DACH2: variants seen among roughly 807,000 people sequenced by gnomAD.
The protein encoded by DACH2 is dachshund homolog 2.
In DACH2, 17 loss-of-function variants were observed where a neutral mutation model predicts 35.8. The ratio of observed to expected loss-of-function variants is 0.48; its 90% CI spans 0.33 to 0.71. The LOEUF is 0.71. Ranked by LOEUF, DACH2 falls within the 30% of genes least tolerant of loss-of-function variation. The probability of loss-of-function intolerance (pLI) is 0.02; values close to 1 mark genes in which losing one functional copy is unlikely to be tolerated. For synonymous variants in DACH2, 195 were observed against 177.3 expected (o/e 1.10, Z -0.79); for missense variants, 469 against 472.7 (o/e 0.99, Z 0.07).
chrX:86,499,832 G>T (rs2038224683), intron 2 of DACH2, among the ~76,000 whole-genome samples: 1 of 111,752 alleles, frequency 8.9e-6, no homozygotes, highest in Non-Finnish European at 1.9e-5. Flanking sequence ...TTCCTTTCAG[G>T]CAATCATGTG....
At chrX:86,185,709 A>C (rs1480275721) in intron 1 of DACH2, among the ~76,000 whole-genome samples, 1 of 111,611 alleles carries the variant, frequency 9.0e-6, no homozygotes, top group African/African-American at 3.3e-5. Flanking sequence ...CCTTTCATAC[A>C]TGATTCATAT....
intron 1 of DACH2, among the ~76,000 whole-genome samples, chrX:86,302,419 C>T (rs1228570744): frequency 9.0e-6 from 1 of 111,679 alleles, no homozygotes; most frequent in Admixed American, 9.6e-5. Flanking sequence ...TAATTGTATA[C>T]CTTTTCAAAC....
intron 2 of DACH2, among the ~76,000 whole-genome samples, chrX:86,397,856 T>G (rs1394512699): frequency 8.9e-6 from 1 of 111,915 alleles, no homozygotes; most frequent in African/African-American, 3.3e-5. Flanking sequence ...ATTCTCTTTT[T>G]TGGTTGTGTC....
intron 1 of DACH2, among the ~76,000 whole-genome samples, chrX:86,215,559 C>A (rs973420339): frequency 1.8e-5 from 2 of 110,570 alleles, no homozygotes; most frequent in African/African-American, 3.3e-5. Context: ...AAAAAGGAAA[C>A]CTTTCATTCC....
chrX:86,462,913 C>T (rs1006888282), intron 2 of DACH2, among the ~76,000 whole-genome samples: 1 of 111,484 alleles, frequency 9.0e-6, no homozygotes, highest in African/African-American at 3.3e-5. Context: ...ACAGTTATGA[C>T]ACTAAGTTAT....
intron 2 of DACH2, among the ~76,000 whole-genome samples, chrX:86,436,718 ATTTC>A (rs2037073642): frequency 9.0e-6 from 1 of 111,164 alleles, no homozygotes; most frequent in African/African-American, 3.3e-5. Context: ...AATTGGAACA[ATTTC>A]TTTCTTAAAT....
chrX:86,632,315 G>C (rs5923576), intron 3 of DACH2, among the ~76,000 whole-genome samples: 3,863 of 110,852 alleles, frequency 0.035, 184 homozygotes, highest in African/African-American at 0.12. Context: ...GACTGACTGC[G>C]TTATCTTTAG....
chrX:86,330,343 G>A (rs1339603944), intron 1 of DACH2, among the ~76,000 whole-genome samples: 1 of 111,846 alleles, frequency 8.9e-6, no homozygotes, highest in Non-Finnish European at 1.9e-5. Flanking sequence ...AATCATGTTT[G>A]TGTTGTTAAT....
intron 3 of DACH2, among the ~76,000 whole-genome samples, chrX:86,556,828 A>AGAGAGAGAGAGAG (rs2039137147): frequency 1.2e-5 from 1 of 84,158 alleles, no homozygotes; most frequent in Non-Finnish European, 2.5e-5. Context: ...AGAGAGAGAG[A>AGAGAGAGAGAGAG]GAAGAAGAAA....
At chrX:86,754,938 A>G (rs1391078590) in intron 7 of DACH2, among the ~76,000 whole-genome samples, 2 of 111,681 alleles carry the variant, frequency 1.8e-5, no homozygotes, top group Non-Finnish European at 3.8e-5. Flanking sequence ...TTTCGGATAA[A>G]TACCTAGTAG....
Position 86,832,454 on chromosome X carries a change from T to G in DACH2, c.*299T>G. 1 of 248,116 alleles carries G rather than the reference T, an allele frequency of 4.0e-6. No individual in the cohort carries two copies. Among genetic ancestry groups the G allele is most frequent in the East Asian group, 8.4e-5 (1 of 11,896 alleles). 20.4% of individuals were successfully genotyped at this position (248,116 alleles called of 1,213,427 possible). A position where few individuals can be genotyped will look rare whatever the true frequency, so the allele number is the denominator to read the frequency against. ...CATTTCAACTTGGCTTTTTGTCTTT[T>G]AAATTTTTAAAAAATGCAGTAGTGT... On this transcript the variant is annotated 3_prime_UTR_variant, in exon 12 of 12. Transcript: ENST00000373125.
At chrX:86,443,524 T>C (rs2037206948) in intron 2 of DACH2, among the ~76,000 whole-genome samples, 1 of 108,863 alleles carries the variant, frequency 9.2e-6, no homozygotes, top group Non-Finnish European at 1.9e-5. Context: ...TTTTTTCTGG[T>C]CTAGTTTCTC....
rs186783058 is a variant in DACH2 at position 86,542,106 on chromosome X, C to T, written c.640+27715C>T. ...AGGATATTCTGTCACTTTCTCTTCC[C>T]TTTTATGGTCTGCTTTTTATCCATT... On this transcript the variant is annotated intron_variant, in intron 3 of 11. Coordinates refer to ENST00000373125, the MANE Select transcript of DACH2 (RefSeq NM_053281.3). Among the ~76,000 whole-genome samples, 51 of 111,470 alleles carry T rather than the reference C, an allele frequency of 4.6e-4. No homozygotes were observed. The Admixed American group carries it at 4.9e-3, about 11-fold the overall frequency.
chrX:86,204,903 T>A (rs1247860214), intron 1 of DACH2, among the ~76,000 whole-genome samples: 1 of 111,391 alleles, frequency 9.0e-6, no homozygotes, highest in Non-Finnish European at 1.9e-5. Flanking sequence ...TGGTTATAGT[T>A]TTGTCTCCCT....
chrX:86,401,211 T>A (rs1223012621), intron 2 of DACH2, among the ~76,000 whole-genome samples: 2 of 112,547 alleles, frequency 1.8e-5, no homozygotes, highest in East Asian at 5.6e-4. Context: ...GTGTGCCATT[T>A]GTTAAGCCCG....
intron 6 of DACH2, among the ~76,000 whole-genome samples, chrX:86,722,526 T>TA (rs1569473857): frequency 2.7e-5 from 3 of 109,369 alleles, no homozygotes; most frequent in Non-Finnish European, 5.7e-5. Flanking sequence ...TGTGTTTTTT[T>TA]TTTTATTTTA....
chrX:86,829,977 A>C (rs1464190746), intron 11 of DACH2: 2 of 111,060 alleles, frequency 1.8e-5, no homozygotes, highest in African/African-American at 3.3e-5. Flanking sequence ...CTCTGTTTAG[A>C]GCTCAAGAAC....
chrX:86,642,469 G>C (rs2148399200), intron 3 of DACH2, among the ~76,000 whole-genome samples: 1 of 111,652 alleles, frequency 9.0e-6, no homozygotes, highest in African/African-American at 3.3e-5. Context: ...AGCTCTTAGA[G>C]ACATACAAAG....
At chrX:86,766,541 C>T (rs1358855902) in intron 7 of DACH2, among the ~76,000 whole-genome samples, 2 of 111,751 alleles carry the variant, frequency 1.8e-5, no homozygotes, top group Non-Finnish European at 3.8e-5. Context: ...TCTTCAAATT[C>T]TCTCTCTAGC....
Sources: allele counts gnomAD v4.1 joint callset (sites outside exome capture counted in the v4.1 genomes callset), GRCh38; gene constraint gnomAD v4.1.1; transcripts MANE v1.5; gene names NCBI Gene and HGNC (gene_info 2026-07-23, HGNC 2026-07-21).